FSTL5: variants seen among roughly 807,000 people sequenced by gnomAD.
FSTL5 encodes the protein follistatin like 5, also known as follistatin-related protein 5.
FSTL5 carries 62 observed loss-of-function variants against 89.1 expected under a neutral mutation model. The ratio of observed to expected loss-of-function variants is 0.70; its 90% CI spans 0.57 to 0.86. The LOEUF (loss-of-function observed/expected upper bound fraction) is 0.86. Among genes scored for constraint, FSTL5 ranks in the 40% least tolerant of loss-of-function variants. The pLI, the probability that FSTL5 is intolerant of heterozygous loss-of-function variation, is 0.00. For missense variants in FSTL5, 1,057 were observed against 1,001.6 expected (o/e 1.06, Z -0.75); for synonymous variants, 383 against 346.2 (o/e 1.11, Z -1.18).
intron 4 of FSTL5, among the ~76,000 whole-genome samples, chr4:161,899,966 G>C (rs910797022): frequency 6.6e-6 from 1 of 152,096 alleles, no homozygotes; most frequent in Admixed American, 6.5e-5. Flanking sequence ...TGGTCAAGGC[G>C]GATGGATCAC....
chr4:161,876,808 CTATTA>C (rs1732458474), intron 4 of FSTL5, among the ~76,000 whole-genome samples: 1 of 151,756 alleles, frequency 6.6e-6, no homozygotes, highest in Non-Finnish European at 1.5e-5. Flanking sequence ...TCATTATTTC[CTATTA>C]TATATTACTA....
At chr4:162,132,608 T>C (rs1483269242) in intron 1 of FSTL5, among the ~76,000 whole-genome samples, 2 of 152,156 alleles carry the variant, frequency 1.3e-5, no homozygotes, top group East Asian at 3.9e-4. Flanking sequence ...ACATTTCACA[T>C]TGTTCCTCAG....
intron 7 of FSTL5, among the ~76,000 whole-genome samples, chr4:161,654,329 A>C (rs140403894): frequency 1.3e-5 from 2 of 152,260 alleles, no homozygotes; most frequent in Admixed American, 1.3e-4. Flanking sequence ...TGGGCCTATT[A>C]AAAACAGTAG....
intron 10 of FSTL5, among the ~76,000 whole-genome samples, chr4:161,531,171 A>T (rs1430564591): frequency 2.0e-5 from 3 of 152,204 alleles, no homozygotes; most frequent in Admixed American, 6.5e-5. Flanking sequence ...TCACATGAGA[A>T]AACTTCCAGT....
At chr4:161,813,958 T>C (rs1469543153) in intron 4 of FSTL5, among the ~76,000 whole-genome samples, 1 of 152,042 alleles carries the variant, frequency 6.6e-6, no homozygotes, top group African/African-American at 2.4e-5. Flanking sequence ...AGGAAATGTG[T>C]TTCTGTGTAA....
chr4:161,417,647 G>A (rs954300404), intron 15 of FSTL5, among the ~76,000 whole-genome samples: 11 of 152,146 alleles, frequency 7.2e-5, no homozygotes, highest in African/African-American at 2.4e-4. Context: ...CAAATACTAC[G>A]TATCCCTCAG....
At position 161,617,369 on chromosome 4, in the gene FSTL5, T is replaced by A. The variant is rs1336446578; in HGVS notation, c.895-29794A>T. Among the ~76,000 whole-genome samples, 4 of 152,038 alleles carry A rather than the reference T, an allele frequency of 2.6e-5. No homozygotes were observed. The East Asian group carries it at 7.7e-4, about 29-fold the overall frequency. On this transcript the variant is annotated intron_variant, in intron 7 of 15. Transcript: ENST00000306100. ...AAGAGAAAAAGTACTAAAGAAAAGT[T>A]AATGGGGTGCTGGAGACCAGAGGAA...
chr4:161,780,683 C>CGTG (rs1440777006), intron 4 of FSTL5, among the ~76,000 whole-genome samples: 1 of 152,206 alleles, frequency 6.6e-6, no homozygotes, highest in East Asian at 1.9e-4. Context: ...ATCCAAATGC[C>CGTG]TGCACCTGTA....
At chr4:161,600,192 CACACACAA>C (rs1163223903) in intron 7 of FSTL5, among the ~76,000 whole-genome samples, 1 of 149,266 alleles carries the variant, frequency 6.7e-6, no homozygotes, top group East Asian at 1.9e-4. Context: ...CACACACACA[CACACACAA>C]ACAGTATGCC....
At chr4:161,695,621 C>A (rs531820810) in intron 6 of FSTL5, among the ~76,000 whole-genome samples, 1 of 151,850 alleles carries the variant, frequency 6.6e-6, no homozygotes, top group East Asian at 1.9e-4. Context: ...CTGCCAACAT[C>A]CTTTGTTTTT....
At chr4:161,501,177 A>G (rs904559169) in intron 11 of FSTL5, among the ~76,000 whole-genome samples, 3 of 152,204 alleles carry the variant, frequency 2.0e-5, no homozygotes, top group East Asian at 3.8e-4. Context: ...TTTACATTCT[A>G]AAAACATCTG....
chr4:161,696,319 T>C (rs1207862508), intron 6 of FSTL5, among the ~76,000 whole-genome samples: 4 of 152,230 alleles, frequency 2.6e-5, no homozygotes, highest in African/African-American at 9.6e-5. Context: ...TTGGCCTTTA[T>C]GACTATTTTT....
intron 4 of FSTL5, among the ~76,000 whole-genome samples, chr4:161,799,389 A>G (rs1023334737): frequency 2.9e-4 from 44 of 151,816 alleles, no homozygotes; most frequent in African/African-American, 1.0e-3. Flanking sequence ...AGTGGTATCA[A>G]TTCAGTTTGA....
At chr4:161,845,735 T>C (rs1731346008) in intron 4 of FSTL5, among the ~76,000 whole-genome samples, 1 of 152,176 alleles carries the variant, frequency 6.6e-6, no homozygotes, top group South Asian at 2.1e-4. Context: ...CTGGTATCTT[T>C]AAGTGTTTTA....
At chr4:161,997,782 T>A (rs1736342421) in intron 3 of FSTL5, among the ~76,000 whole-genome samples, 1 of 124,858 alleles carries the variant, frequency 8.0e-6, no homozygotes, top group African/African-American at 2.9e-5. Flanking sequence ...TTTTTCGTAT[T>A]TTTAGTAGAG....
chr4:161,530,154 A>T (rs1731359283), intron 10 of FSTL5, among the ~76,000 whole-genome samples: 1 of 142,768 alleles, frequency 7.0e-6, no homozygotes, highest in African/African-American at 2.5e-5. Context: ...CTATTTCTAA[A>T]GTTTATGATA....
At chr4:161,994,453 G>A (rs1409225416) in intron 3 of FSTL5, among the ~76,000 whole-genome samples, 3 of 152,070 alleles carry the variant, frequency 2.0e-5, no homozygotes, top group Admixed American at 6.6e-5. Flanking sequence ...TTGAGAAATC[G>A]CCATACTGCT....
In FSTL5 at chr4:161,679,595, T is replaced by C. The variant is rs965632741; in HGVS notation, c.728-23101A>G. On this transcript the variant is annotated intron_variant, in intron 6 of 15. Transcript: ENST00000306100. ...CAGTAGAATACAAGTATAGAAATAA[T>C]ACAAAAACAGAATTATTGAAAACAT... 2.0e-5 allele frequency among the ~76,000 whole-genome samples: 3 copies of C among 151,742 alleles called. No individual in the cohort carries two copies. The East Asian group carries it at 5.8e-4, about 29-fold the overall frequency.
intron 2 of FSTL5, among the ~76,000 whole-genome samples, chr4:162,040,293 T>C (rs903661410): frequency 1.3e-5 from 2 of 152,096 alleles, no homozygotes; most frequent in African/African-American, 4.8e-5. Flanking sequence ...ACCCACTAAG[T>C]AATATGGATT....
Sources: gnomAD v4.1 joint callset for allele counts (sites outside exome capture counted in the v4.1 genomes callset) on GRCh38, gnomAD v4.1.1 for gene constraint, MANE v1.5 for transcripts, NCBI Gene and HGNC (gene_info 2026-07-23, HGNC 2026-07-21) for gene names.